ARHGAP31: variants seen among roughly 807,000 people sequenced by gnomAD.
ARHGAP31 encodes Rho GTPase activating protein 31.
In ARHGAP31, 34 loss-of-function variants were observed where a neutral mutation model predicts 113.9. The observed-to-expected ratio is 0.30, with a 90% confidence interval of 0.23 to 0.40. The LOEUF (loss-of-function observed/expected upper bound fraction) is 0.40. Among genes scored for constraint, ARHGAP31 ranks in the 10% least tolerant of loss-of-function variants. The pLI is 1.00. For missense variants in ARHGAP31, 1,548 were observed against 1,767.1 expected (o/e 0.88, Z 2.22); for synonymous variants, 650 against 684.8 (o/e 0.95, Z 0.79).
chr3:119,363,101 G>A (rs1233138467), intron 1 of ARHGAP31, among the ~76,000 whole-genome samples: 1 of 152,116 alleles, frequency 6.6e-6, no homozygotes, highest in Non-Finnish European at 1.5e-5. Flanking sequence ...AAGCAGTTTG[G>A]TATCCGAATC....
At chr3:119,308,673 A>G (rs2079652034) in intron 1 of ARHGAP31, among the ~76,000 whole-genome samples, 1 of 152,200 alleles carries the variant, frequency 6.6e-6, no homozygotes, top group Non-Finnish European at 1.5e-5. Context: ...GCCTCTTTGT[A>G]TAGAAGGTAA....
chr3:119,347,560 G>T (rs188873296), intron 1 of ARHGAP31, among the ~76,000 whole-genome samples: 1 of 152,170 alleles, frequency 6.6e-6, no homozygotes, highest in East Asian at 1.9e-4. Context: ...AAACACCAGT[G>T]TCTTCATGGA....
chr3:119,329,899 C>G (rs1312036268), intron 1 of ARHGAP31: 2 of 985,296 alleles, frequency 2.0e-6, no homozygotes, highest in African/African-American at 3.5e-5. Flanking sequence ...GCTGAGAAAC[C>G]TGGTAAATGA....
At chr3:119,313,657 T>C (rs2079703568) in intron 1 of ARHGAP31, among the ~76,000 whole-genome samples, 1 of 152,200 alleles carries the variant, frequency 6.6e-6, no homozygotes. Flanking sequence ...AAGCTGAGGC[T>C]GAGAGCAGGG....
At chr3:119,324,882 C>T (rs1262919750) in intron 1 of ARHGAP31, 1 of 453,954 alleles carries the variant, frequency 2.2e-6, no homozygotes, top group Non-Finnish European at 4.4e-6. Context: ...GTCTCTTGGT[C>T]TCTCAGTTTG....
At chr3:119,325,732 A>C (rs928659244) in intron 1 of ARHGAP31, among the ~76,000 whole-genome samples, 3 of 152,188 alleles carry the variant, frequency 2.0e-5, no homozygotes, top group African/African-American at 7.2e-5. Context: ...AACAGTGGCG[A>C]GAAGAAACTC....
chr3:119,382,413 C>T lies in ARHGAP31; in HGVS notation c.539+14C>T, dbSNP rs755836892. ...AAACCTCCTCAGGTAACCACTCTACCCTCCCCTTGTCACCAGCCCAGGGGG... is the reference window on the plus strand; with the variant it reads ...AAACCTCCTCAGGTAACCACTCTACTCTCCCCTTGTCACCAGCCCAGGGGG... On this transcript the variant is annotated intron_variant, in intron 5 of 11. Coordinates refer to ENST00000264245, the MANE Select transcript of ARHGAP31 (RefSeq NM_020754.4). 2 of 1,611,122 alleles carry T rather than the reference C, an allele frequency of 1.2e-6. No homozygotes were observed. Among genetic ancestry groups the T allele is most frequent in the Admixed American group, 1.7e-5 (1 of 60,026 alleles).
In ARHGAP31 at chr3:119,414,552, G is replaced by T; in HGVS notation, c.2623G>T (p.Glu875Ter). The change falls in exon 12 of 12, where the codon GAG becomes TAG. Residue 875 changes from glutamate (E) to a stop codon, truncating the protein, a stop_gained. Transcript: ENST00000264245. LOFTEE classifies it high-confidence loss of function. ...GGAGGTTGAGATCGTCTCACAAGAAGAGGAGGATGTAACCCATTCAGTACA... is the reference window on the plus strand; with the variant it reads ...GGAGGTTGAGATCGTCTCACAAGAATAGGAGGATGTAACCCATTCAGTACA... Reference protein sequence around the residue: ...TREVEIVSQEEEDVTHSVQEP... With the variant: ...TREVEIVSQE 6.2e-7 allele frequency: 1 copy of T among 1,614,222 alleles called. No individual in the cohort carries two copies. Among genetic ancestry groups the T allele is most frequent in the Non-Finnish European group, 8.5e-7 (1 of 1,180,040 alleles).
At chr3:119,309,763 A>C (rs867034974) in intron 1 of ARHGAP31, among the ~76,000 whole-genome samples, 35 of 151,818 alleles carry the variant, frequency 2.3e-4, no homozygotes, top group African/African-American at 8.5e-4. Flanking sequence ...GTCTCAAAAA[A>C]AACTATCCCC....
intron 1 of ARHGAP31, among the ~76,000 whole-genome samples, chr3:119,309,496 TG>T (rs1011881933): frequency 3.9e-5 from 6 of 152,082 alleles, no homozygotes; most frequent in Non-Finnish European, 8.8e-5. Flanking sequence ...GGCTCACACC[TG>T]TAATTCCAGC....
intron 1 of ARHGAP31, 70 bp from the exon 2 acceptor site, chr3:119,365,246 A>C (rs1380541758): frequency 7.6e-7 from 1 of 1,318,784 alleles, no homozygotes; most frequent in South Asian, 1.2e-5. Context: ...GGATTTTTAA[A>C]AGGATATCTT....
intron 1 of ARHGAP31, among the ~76,000 whole-genome samples, chr3:119,350,549 T>A (rs921802117): frequency 6.6e-6 from 1 of 152,092 alleles, no homozygotes; most frequent in African/African-American, 2.4e-5. Context: ...GAGGGTACAA[T>A]AAGCAAAAGG....
chr3:119,411,363 C>CA (rs1215871002), intron 11 of ARHGAP31, among the ~76,000 whole-genome samples: 1 of 151,914 alleles, frequency 6.6e-6, no homozygotes, highest in Non-Finnish European at 1.5e-5. Flanking sequence ...AGTGTGGGGC[C>CA]ATGGGGATAG....
intron 1 of ARHGAP31, among the ~76,000 whole-genome samples, chr3:119,356,329 A>G (rs909178684): frequency 2.6e-5 from 4 of 151,924 alleles, no homozygotes; most frequent in African/African-American, 9.7e-5. Flanking sequence ...TCTCTTAACA[A>G]CAACAACAAA....
Position 119,416,030 on chromosome 3 carries a change from A to G in ARHGAP31, c.4101A>G (p.Thr1367=), listed in dbSNP as rs201451848. 100 of 1,614,088 alleles carry G rather than the reference A, an allele frequency of 6.2e-5. No individual in the cohort carries two copies. Among genetic ancestry groups the G allele is most frequent in the Middle Eastern group, 4.9e-4 (3 of 6,084 alleles). Residue 1367 remains threonine (T), a synonymous_variant, in exon 12 of 12, where the codon ACA becomes ACG. Coordinates refer to ENST00000264245, the MANE Select transcript of ARHGAP31 (RefSeq NM_020754.4). ...MDHLPPSSTV[T]DSKVLLSPIR... ...ACCTGCCCCCTTCATCCACAGTGAC[A>G]GATTCCAAGGTCCTGCTGTCCCCTA...
intron 6 of ARHGAP31, among the ~76,000 whole-genome samples, chr3:119,389,794 CAT>C (rs2107635121): frequency 1.3e-5 from 2 of 152,322 alleles, no homozygotes; most frequent in Admixed American, 1.3e-4. Flanking sequence ...TTTCAGAAGT[CAT>C]AGAAAACTGG....
chr3:119,314,567 G>C (rs1165799270), intron 1 of ARHGAP31: 1 of 152,492 alleles, frequency 6.6e-6, no homozygotes, highest in East Asian at 1.9e-4. Flanking sequence ...GCGTGGTAGT[G>C]AGGTGGAGGT....
At chr3:119,380,319 G>A (rs531079616) in intron 3 of ARHGAP31, among the ~76,000 whole-genome samples, 10 of 152,290 alleles carry the variant, frequency 6.6e-5, no homozygotes, top group African/African-American at 2.4e-4. Flanking sequence ...ACAGCTGGCT[G>A]AGTGGACTTG....
Position 119,416,027 on chromosome 3 carries a change from G to A in ARHGAP31, c.4098G>A (p.Val1366=), listed in dbSNP as rs75832026. 6.2e-5 allele frequency: 100 copies of A among 1,614,180 alleles called. No homozygotes were observed. In the African/African-American group the frequency reaches 1.2e-3, roughly 20 times the overall value. Reference sequence around the variant, plus strand: ...ACCACCTGCCCCCTTCATCCACAGTGACAGATTCCAAGGTCCTGCTGTCCC... The same window carrying A: ...ACCACCTGCCCCCTTCATCCACAGTAACAGATTCCAAGGTCCTGCTGTCCC... ...IMDHLPPSST[V]TDSKVLLSPI... The change falls in exon 12 of 12, where the codon GTG becomes GTA. Residue 1366 remains valine, a synonymous_variant. Coordinates refer to ENST00000264245, the MANE Select transcript of ARHGAP31 (RefSeq NM_020754.4).
Sources: gnomAD v4.1 joint callset for allele counts (sites outside exome capture counted in the v4.1 genomes callset) on GRCh38, gnomAD v4.1.1 for gene constraint, MANE v1.5 for transcripts, NCBI Gene and HGNC (gene_info 2026-07-23, HGNC 2026-07-21) for gene names.